Variants in SLC35F4 observed in about 807,000 individuals in gnomAD.
SLC35F4 encodes chromosome 14 open reading frame 36.
In SLC35F4, 24 loss-of-function variants were observed where a neutral mutation model predicts 44.2. The ratio of observed to expected loss-of-function variants is 0.54; its 90% CI spans 0.39 to 0.76. The LOEUF (loss-of-function observed/expected upper bound fraction) is 0.76. SLC35F4 is among the 30% of genes least tolerant of loss of function. The pLI is 0.00. For synonymous variants in SLC35F4, 238 were observed against 223.6 expected (o/e 1.06, Z -0.57); for missense variants, 562 against 586.1 (o/e 0.96, Z 0.42).
chr14:57,792,981 A>T (rs921062748), intron 1 of SLC35F4, among the ~76,000 whole-genome samples: 1 of 152,112 alleles, frequency 6.6e-6, no homozygotes, highest in Non-Finnish European at 1.5e-5. Context: ...GGAATACATT[A>T]AAAAAACTTT....
rs2077881713 is a variant in SLC35F4 at position 57,790,264 on chromosome 14, C to T, written c.103+75459G>A. Among the ~76,000 whole-genome samples the T allele has an allele frequency of 1.3e-5, 2 of 152,154 alleles. 1 individual carries two copies. Among genetic ancestry groups the T allele is most frequent in the South Asian group, 4.1e-4 (2 of 4,822 alleles). On this transcript the variant is annotated intron_variant, in intron 1 of 7. Coordinates refer to ENST00000556826, the MANE Select transcript of SLC35F4 (RefSeq NM_001306087.2). ...AAATCCCATCATCTCAGACCAAAAA[C>T]TCCTTAAGCTGATAAGCAACTTCAG...
chr14:57,669,971 T>G (rs937511806), intron 1 of SLC35F4, among the ~76,000 whole-genome samples: 1 of 152,116 alleles, frequency 6.6e-6, no homozygotes, highest in Non-Finnish European at 1.5e-5. Context: ...GGACTTTTTT[T>G]GGTTGGTAAG....
chr14:57,731,268 T>C (rs919230633), intron 1 of SLC35F4, among the ~76,000 whole-genome samples: 29 of 152,184 alleles, frequency 1.9e-4, no homozygotes, highest in African/African-American at 6.5e-4. Context: ...GGTACCAAGT[T>C]GTGCCTTCAT....
chr14:57,708,289 C>G (rs1594847925), intron 1 of SLC35F4, among the ~76,000 whole-genome samples: 1 of 152,160 alleles, frequency 6.6e-6, no homozygotes, highest in East Asian at 1.9e-4. Flanking sequence ...TCAAACCTGA[C>G]CAATCAGCAC....
chr14:57,817,975 G>A (rs1882787532), intron 1 of SLC35F4, among the ~76,000 whole-genome samples: 1 of 152,052 alleles, frequency 6.6e-6, no homozygotes, highest in Non-Finnish European at 1.5e-5. Flanking sequence ...CAGGTGAGAG[G>A]CATACCAGAC....
At chr14:57,626,437 A>G (rs936238388) in intron 1 of SLC35F4, among the ~76,000 whole-genome samples, 65 of 152,054 alleles carry the variant, frequency 4.3e-4, no homozygotes, top group Non-Finnish European at 8.5e-4. Flanking sequence ...CAACTCGTAA[A>G]TAGGAAGATG....
At chr14:57,968,882 T>C (rs1200501266) in intron 1 of SLC35F4, among the ~76,000 whole-genome samples, 1 of 152,230 alleles carries the variant, frequency 6.6e-6, no homozygotes, top group Admixed American at 6.5e-5. Context: ...AATTTGACTT[T>C]TTAGGAAAAT....
chr14:57,695,378 C>T (rs1464322880), intron 1 of SLC35F4, among the ~76,000 whole-genome samples: 1 of 151,448 alleles, frequency 6.6e-6, no homozygotes, highest in Admixed American at 6.6e-5. Context: ...ACAGACACTT[C>T]TCAAAAGAAG....
intron 1 of SLC35F4, among the ~76,000 whole-genome samples, chr14:57,652,130 G>A (rs2073805435): frequency 6.6e-6 from 1 of 152,218 alleles, no homozygotes; most frequent in African/African-American, 2.4e-5. Context: ...GGAATGTGAT[G>A]TAACTTCATG....
chr14:57,822,069 G>A (rs1464751162), intron 1 of SLC35F4, among the ~76,000 whole-genome samples: 2 of 152,186 alleles, frequency 1.3e-5, no homozygotes, highest in East Asian at 1.9e-4. Flanking sequence ...ATACAAGGAG[G>A]CAAGCAAAAC....
chr14:57,779,112 A>AAAT (rs1156995740), intron 1 of SLC35F4, among the ~76,000 whole-genome samples: 4 of 151,718 alleles, frequency 2.6e-5, no homozygotes, highest in Middle Eastern at 3.4e-3. Context: ...AGACAAAAAA[A>AAAT]AATAATAATA....
intron 1 of SLC35F4, chr14:57,629,921 C>A: frequency 2.1e-6 from 1 of 477,784 alleles, no homozygotes; most frequent in Non-Finnish European, 4.2e-6. Flanking sequence ...CTACCAGTAT[C>A]GCTGAACACA....
rs572801078 is a variant in SLC35F4, at chr14:57,929,292, A to T, written n.282+52621T>A. Reference sequence around the variant, plus strand: ...AAAGATGAGTAAACTAAGCAAAAGAATATGAAAATATAATACCTTTCATCT... The same window carrying T: ...AAAGATGAGTAAACTAAGCAAAAGATTATGAAAATATAATACCTTTCATCT... On this transcript the variant is annotated intron_variant and non_coding_transcript_variant, in intron 1 of 1. Transcript: ENST00000556568. Among the ~76,000 whole-genome samples the T allele has an allele frequency of 7.2e-5, 11 of 152,344 alleles. No individual in the cohort carries two copies. In the South Asian group the frequency reaches 2.1e-3, roughly 29 times the overall value.
intron 1 of SLC35F4, among the ~76,000 whole-genome samples, chr14:57,816,880 C>T (rs1689383663): frequency 6.6e-6 from 1 of 152,102 alleles, no homozygotes; most frequent in Non-Finnish European, 1.5e-5. Context: ...GATAATAAAC[C>T]TTTCATTTGC....
intron 1 of SLC35F4, among the ~76,000 whole-genome samples, chr14:57,978,855 A>G (rs1881291762): frequency 6.6e-6 from 1 of 152,224 alleles, no homozygotes; most frequent in Admixed American, 6.5e-5. Context: ...CCTCTTGGTC[A>G]TCGTTTGCTC....
chr14:57,887,008 C>A (rs1888663899), intron 1 of SLC35F4, among the ~76,000 whole-genome samples: 1 of 152,090 alleles, frequency 6.6e-6, no homozygotes, highest in African/African-American at 2.4e-5. Flanking sequence ...CTGTTCCATG[C>A]TATGTTATAC....
chr14:57,646,749 G>T (rs1480001391), intron 1 of SLC35F4, among the ~76,000 whole-genome samples: 11 of 152,072 alleles, frequency 7.2e-5, no homozygotes, highest in Admixed American at 2.0e-4. Flanking sequence ...GCTTTCTCTT[G>T]TGGGCATTTA....
chr14:57,650,636 A>C (rs907812862), intron 1 of SLC35F4, among the ~76,000 whole-genome samples: 3 of 152,228 alleles, frequency 2.0e-5, no homozygotes, highest in South Asian at 2.1e-4. Flanking sequence ...TAGTAGCCAG[A>C]GTGTGGTCTT....
At chr14:57,760,856 T>G (rs2077107198) in intron 1 of SLC35F4, among the ~76,000 whole-genome samples, 1 of 152,170 alleles carries the variant, frequency 6.6e-6, no homozygotes, top group Admixed American at 6.6e-5. Context: ...GGGCGCTGGG[T>G]AGTTTCCTCA....
Sources: gnomAD v4.1 joint callset for allele counts (sites outside exome capture counted in the v4.1 genomes callset) on GRCh38, gnomAD v4.1.1 for gene constraint, MANE v1.5 for transcripts, NCBI Gene and HGNC (gene_info 2026-07-23, HGNC 2026-07-21) for gene names.